TAF4: variants seen among roughly 807,000 people sequenced by gnomAD.
TAF4 encodes transcription initiation factor TFIID subunit 4.
Under a neutral mutation model 90.3 loss-of-function variants are expected in TAF4, and 9 were observed. That is an observed-to-expected ratio of 0.10 (90% confidence interval 0.06 to 0.17). The LOEUF is 0.17. Among genes scored for constraint, TAF4 ranks in the 10% least tolerant of loss-of-function variants. The pLI is 1.00. For missense variants in TAF4, 1,351 were observed against 1,370.7 expected, an observed-to-expected ratio of 0.99 and a Z score of 0.23; for synonymous variants, 818 against 638.9, an observed-to-expected ratio of 1.28 and a Z score of -4.23.
chr20:62,026,996 T>C (rs2055878499), intron 1 of TAF4, among the ~76,000 whole-genome samples: 8 of 152,238 alleles, frequency 5.3e-5, no homozygotes. Context: ...CCTCTGCGAC[T>C]CAACAGGAAT....
chr20:62,012,707 T>C lies in TAF4; in HGVS notation c.1641+108A>G, dbSNP rs1224041132. 43 of 1,346,448 alleles carry C rather than the reference T, an allele frequency of 3.2e-5. No individual in the cohort carries two copies. In the African/African-American group the frequency reaches 4.3e-4, roughly 14 times the overall value. The allele number at this position is 1,346,448 out of a possible 1,614,324, so 83.4% of individuals were successfully genotyped here. A position where few individuals can be genotyped will look rare whatever the true frequency, so the allele number is the denominator to read the frequency against. ...ACCTTCCTCCCCAGATTTGACGTAG[T>C]ATCCAGTTTAAAAAAAAAAAAAAAC... On this transcript the variant is annotated intron_variant, in intron 3 of 14. Coordinates refer to ENST00000252996, the MANE Select transcript of TAF4 (RefSeq NM_003185.4).
chr20:61,975,891 C>G lies in TAF4; in HGVS notation c.*277G>C, dbSNP rs183175291. The G allele has an allele frequency of 9.8e-6, 4 of 409,986 alleles. No homozygotes were observed. In the Admixed American group the frequency reaches 1.5e-4, roughly 16 times the overall value. The allele number at this position is 409,986 out of a possible 1,614,324, so 25.4% of individuals were successfully genotyped here. ...CAGAGGGCAGCTAATTATTTGCTAACGATTCCATCAGTCTTTATATATGGC... is the reference window on the plus strand; with the variant it reads ...CAGAGGGCAGCTAATTATTTGCTAAGGATTCCATCAGTCTTTATATATGGC... On this transcript the variant is annotated 3_prime_UTR_variant, in exon 15 of 15. Transcript: ENST00000252996.
chr20:61,997,815 A>G, intron 13 of TAF4, 146 bp from the exon 14 acceptor site: 1 of 1,098,442 alleles, frequency 9.1e-7, no homozygotes, highest in Admixed American at 3.1e-5. Context: ...TAGTAAGCAT[A>G]TTCTATAATC....
chr20:61,995,417 T>C (rs1048500718), intron 14 of TAF4, among the ~76,000 whole-genome samples: 1 of 152,180 alleles, frequency 6.6e-6, no homozygotes, highest in Non-Finnish European at 1.5e-5. Context: ...AAGGACCTCG[T>C]AGACACATCA....
At position 61,991,186 on chromosome 20, in the gene TAF4, A is replaced by T. The variant is rs571902440; in HGVS notation, c.3090+6364T>A. Among the ~76,000 whole-genome samples, 61 of 152,328 alleles carry T rather than the reference A, an allele frequency of 4.0e-4. 1 individual carries two copies. Among genetic ancestry groups the T allele is most frequent in the African/African-American group, 1.2e-3 (50 of 41,578 alleles). ...GTAATCCCAGCACTTTGGGAGGCTG[A>T]GACGGGCAAATCACTTGAGGTCTGG... On this transcript the variant is annotated intron_variant, in intron 14 of 14. Transcript: ENST00000252996.
intron 1 of TAF4, among the ~76,000 whole-genome samples, chr20:62,060,206 G>A (rs1410342319): frequency 2.0e-5 from 3 of 152,210 alleles, no homozygotes; most frequent in East Asian, 1.9e-4. Flanking sequence ...CTTCCCAGGC[G>A]CCCGGGGCCT....
chr20:61,985,778 A>G (rs1050625713), intron 14 of TAF4, among the ~76,000 whole-genome samples: 4 of 151,622 alleles, frequency 2.6e-5, no homozygotes, highest in African/African-American at 9.7e-5. Flanking sequence ...GGTGCAGACG[A>G]GTGTTTGTGT....
chr20:62,061,820 T>C (rs2056090233), intron 1 of TAF4, among the ~76,000 whole-genome samples: 1 of 152,220 alleles, frequency 6.6e-6, no homozygotes, highest in African/African-American at 2.4e-5. Context: ...AACCAGCAAA[T>C]TACAATTACA....
rs184517238 is a variant in TAF4 at position 62,028,786 on chromosome 20, G to A, written c.1361-14079C>T. 2.0e-5 allele frequency among the ~76,000 whole-genome samples: 3 copies of A among 152,258 alleles called. No individual in the cohort carries two copies. The East Asian group carries it at 5.8e-4, about 29-fold the overall frequency. Reference sequence around the variant, plus strand: ...TTCCCGACAGTGAGCTCACATTCAGGAGTGCCATAAAGCACCTGCCTAAGC... The same window carrying A: ...TTCCCGACAGTGAGCTCACATTCAGAAGTGCCATAAAGCACCTGCCTAAGC... On this transcript the variant is annotated intron_variant, in intron 1 of 14. Transcript: ENST00000252996.
chr20:62,021,789 C>CTT (rs199577335), intron 1 of TAF4, among the ~76,000 whole-genome samples: 1 of 149,144 alleles, frequency 6.7e-6, no homozygotes, highest in Non-Finnish European at 1.5e-5. Context: ...AAGTTCTATA[C>CTT]TTTTTTTTTT....
At chr20:61,979,124 G>C (rs930741399) in intron 14 of TAF4, 2 of 153,088 alleles carry the variant, frequency 1.3e-5, no homozygotes, top group Admixed American at 1.3e-4. Flanking sequence ...TGGAGATCTC[G>C]TAGGAACCTC....
chr20:61,994,889 A>C (rs1463727364), intron 14 of TAF4, among the ~76,000 whole-genome samples: 2 of 152,208 alleles, frequency 1.3e-5, no homozygotes, highest in Admixed American at 6.5e-5. Context: ...CTGCCCGAGT[A>C]ACAAGACCTT....
chr20:62,003,118 C>T (rs371336008), intron 9 of TAF4, 42 bp downstream of exon 9: 3 of 1,561,090 alleles, frequency 1.9e-6, no homozygotes, highest in South Asian at 1.1e-5. Context: ...CTCTTCTCCG[C>T]TCTGGCCACG....
chr20:62,009,494 G>A (rs537246863), intron 4 of TAF4, among the ~76,000 whole-genome samples: 2 of 152,346 alleles, frequency 1.3e-5, no homozygotes, highest in African/African-American at 4.8e-5. Flanking sequence ...GACAACCTAT[G>A]CCAATCCAAA....
chr20:62,054,766 G>A (rs951895955), intron 1 of TAF4, among the ~76,000 whole-genome samples: 8 of 152,048 alleles, frequency 5.3e-5, no homozygotes, highest in Admixed American at 2.0e-4. Context: ...AGCCTCCTAC[G>A]GCTCTTCTAG....
intron 1 of TAF4, among the ~76,000 whole-genome samples, chr20:62,016,239 C>T (rs2055811355): frequency 6.6e-6 from 1 of 152,212 alleles, no homozygotes; most frequent in African/African-American, 2.4e-5. Context: ...GTAAATACCC[C>T]CATGTATGTG....
At chr20:62,061,777 C>T (rs1209994751) in intron 1 of TAF4, among the ~76,000 whole-genome samples, 1 of 152,196 alleles carries the variant, frequency 6.6e-6, no homozygotes, top group African/African-American at 2.4e-5. Flanking sequence ...CTCATTTTTC[C>T]TCAGTGAATA....
intron 9 of TAF4, 84 bp downstream of exon 9, chr20:62,003,076 G>A (rs867484082): frequency 7.3e-5 from 88 of 1,211,874 alleles, no homozygotes; most frequent in Middle Eastern, 3.9e-4. Context: ...GGAAAGACCC[G>A]TGGGCGGGAA....
chr20:61,986,157 T>C (rs368463106), intron 14 of TAF4, among the ~76,000 whole-genome samples: 5 of 70,810 alleles, frequency 7.1e-5, no homozygotes, highest in Admixed American at 1.6e-4. Flanking sequence ...CCATCCCCCA[T>C]CAAAGGAAAC....
Sources: allele counts gnomAD v4.1 joint callset (sites outside exome capture counted in the v4.1 genomes callset), GRCh38; gene constraint gnomAD v4.1.1; transcripts MANE v1.5; gene names NCBI Gene and HGNC (gene_info 2026-07-23, HGNC 2026-07-21).